AGAP1: variants seen among roughly 807,000 people sequenced by gnomAD.
The protein encoded by AGAP1 is arf-GAP with GTPase, ANK repeat and PH domain-containing protein 1.
AGAP1 carries 29 observed loss-of-function variants against 105.3 expected under a neutral mutation model. That is an observed-to-expected ratio of 0.28 (90% confidence interval 0.21 to 0.38). The LOEUF is 0.38. Ranked by LOEUF, AGAP1 falls within the 10% of genes least tolerant of loss-of-function variation. AGAP1 has a pLI of 1.00. For missense variants in AGAP1, 998 were observed against 1,165.1 expected, an observed-to-expected ratio of 0.86 and a Z score of 2.09; for synonymous variants, 509 against 485.9, an observed-to-expected ratio of 1.05 and a Z score of -0.63.
intron 1 of AGAP1, among the ~76,000 whole-genome samples, chr2:235,606,945 G>GAAAAAAAAAAAAAAAAAAA (rs5839603): frequency 1.6e-5 from 1 of 61,940 alleles, no homozygotes; most frequent in Non-Finnish European, 3.0e-5. Context: ...ACTGCCTCTT[G>GAAAAAAAAAAAAAAAAAAA]AAAAAAAAAA....
At chr2:235,763,187 G>C (rs1224753172) in intron 6 of AGAP1, among the ~76,000 whole-genome samples, 1 of 151,864 alleles carries the variant, frequency 6.6e-6, no homozygotes, top group African/African-American at 2.4e-5. Flanking sequence ...TCTTAAACTG[G>C]AAATGCTCCA....
At chr2:235,779,943 A>G (rs777931166) in intron 6 of AGAP1, among the ~76,000 whole-genome samples, 2 of 152,214 alleles carry the variant, frequency 1.3e-5, no homozygotes, top group African/African-American at 2.4e-5. Context: ...CAAAGTTTGT[A>G]CTTAACAGCA....
chr2:235,806,022 C>T (rs1023370802), intron 8 of AGAP1, among the ~76,000 whole-genome samples: 5 of 152,186 alleles, frequency 3.3e-5, no homozygotes, highest in Non-Finnish European at 7.3e-5. Flanking sequence ...TTCTCCTTGT[C>T]CTCCTCCTTA....
At chr2:235,853,130 AC>A (rs2048549402) in intron 9 of AGAP1, 1 of 1,192,462 alleles carries the variant, frequency 8.4e-7, no homozygotes, top group African/African-American at 1.6e-5. Context: ...AAAGAAAAAA[AC>A]ATTTACTGGC....
At chr2:235,803,185 T>A (rs1439201661) in intron 8 of AGAP1, among the ~76,000 whole-genome samples, 2 of 144,510 alleles carry the variant, frequency 1.4e-5, no homozygotes, top group African/African-American at 4.9e-5. Flanking sequence ...GTGATGGTGA[T>A]GATGGTTGTG....
In AGAP1 at chr2:235,705,866, C is replaced by T. The variant is rs1044228427; in HGVS notation, c.164-3313C>T. 6.6e-6 allele frequency among the ~76,000 whole-genome samples: 1 copy of T among 152,176 alleles called. No homozygotes were observed. The highest frequency in any genetic ancestry group is 1.5e-5 in the Non-Finnish European group (1 of 68,032). On this transcript the variant is annotated intron_variant, in intron 1 of 17. Transcript: ENST00000304032. The surrounding 1 kb of genome is among the most constrained non-coding windows in gnomAD (Gnocchi z 4.9). Reference sequence around the variant, plus strand: ...TCATGCATCTTTGTTTAATGGAGCACTGCTTAATTTATAATGAATATTTTA... The same window carrying T: ...TCATGCATCTTTGTTTAATGGAGCATTGCTTAATTTATAATGAATATTTTA...
intron 7 of AGAP1, among the ~76,000 whole-genome samples, chr2:235,798,313 A>G (rs1321006092): frequency 1.3e-5 from 2 of 152,262 alleles, no homozygotes; most frequent in Non-Finnish European, 1.5e-5. Context: ...AGAAACTGCT[A>G]TCTTTCCATA....
At chr2:235,833,856 T>TTG (rs375095807) in intron 9 of AGAP1, among the ~76,000 whole-genome samples, 6,927 of 47,358 alleles carry the variant, frequency 0.15, 557 homozygotes, top group African/African-American at 0.25. Flanking sequence ...TCCAATCTGG[T>TTG]TTTTTTTTTT....
At chr2:235,523,985 A>C (rs1433625021) in intron 1 of AGAP1, among the ~76,000 whole-genome samples, 1 of 151,728 alleles carries the variant, frequency 6.6e-6, no homozygotes, top group East Asian at 1.9e-4. Flanking sequence ...TGAATGGCCC[A>C]CTCACCACCC....
intron 9 of AGAP1, among the ~76,000 whole-genome samples, chr2:235,835,540 C>T (rs563187032): frequency 1.3e-5 from 2 of 152,354 alleles, no homozygotes; most frequent in East Asian, 3.9e-4. Flanking sequence ...CACTGCCCCA[C>T]CCTGTGGGCC....
chr2:235,754,470 G>A lies in AGAP1; in HGVS notation c.673+3982G>A, dbSNP rs146842249. 3.5e-4 allele frequency among the ~76,000 whole-genome samples: 53 copies of A among 151,742 alleles called. No homozygotes were observed. In the East Asian group the frequency reaches 5.6e-3, roughly 16 times the overall value. On this transcript the variant is annotated intron_variant, in intron 6 of 17. Coordinates refer to ENST00000304032, the MANE Select transcript of AGAP1 (RefSeq NM_001037131.3). This position sits in a 1 kb window ranked among gnomAD's most constrained non-coding sequence, Gnocchi z 4.6. Reference sequence around the variant, plus strand: ...CAGCTGCTTCCATTGCCCTGCGGAGGCCATGTTCCTGATTGGCTCTGTACC... The same window carrying A: ...CAGCTGCTTCCATTGCCCTGCGGAGACCATGTTCCTGATTGGCTCTGTACC...
At chr2:235,885,214 G>C (rs541369019) in intron 10 of AGAP1, among the ~76,000 whole-genome samples, 12 of 152,202 alleles carry the variant, frequency 7.9e-5, no homozygotes, top group Non-Finnish European at 1.6e-4. Context: ...TGGTCACTGT[G>C]TATACACTGC....
rs953752185 is a variant in AGAP1, at chr2:235,958,933, G to A, written c.1484-9529G>A. On this transcript the variant is annotated intron_variant, in intron 12 of 17. Transcript: ENST00000304032. The surrounding 1 kb of genome is among the most constrained non-coding windows in gnomAD (Gnocchi z 4.1). ...CTGCAGATTGTGATCATTATTGCTC[G>A]TATTATATATTTTTTGGGGTGTGCG... is the stretch of plus-strand genomic sequence containing the variant. Among the ~76,000 whole-genome samples, 1 of 152,170 alleles carries A rather than the reference G, an allele frequency of 6.6e-6. No individual in the cohort carries two copies.
At chr2:235,567,339 G>A (rs1481104493) in intron 1 of AGAP1, among the ~76,000 whole-genome samples, 2 of 152,222 alleles carry the variant, frequency 1.3e-5, no homozygotes, top group African/African-American at 4.8e-5. Context: ...CCCTCAGCTG[G>A]CCCATGGCCT....
chr2:235,696,200 C>T (rs181715928), intron 1 of AGAP1, among the ~76,000 whole-genome samples: 1 of 152,206 alleles, frequency 6.6e-6, no homozygotes, highest in Admixed American at 6.5e-5. Flanking sequence ...CGTGCACCCC[C>T]ATGCCCAGCT....
Position 235,600,493 on chromosome 2 carries a change from A to G in AGAP1, c.163+105644A>G, listed in dbSNP as rs1235115726. Among the ~76,000 whole-genome samples the G allele has an allele frequency of 6.6e-6, 1 of 152,154 alleles. No homozygotes were observed. Among genetic ancestry groups the G allele is most frequent in the Non-Finnish European group, 1.5e-5 (1 of 68,024 alleles). On this transcript the variant is annotated intron_variant, in intron 1 of 17. Coordinates refer to ENST00000304032, the MANE Select transcript of AGAP1 (RefSeq NM_001037131.3). This position sits in a 1 kb window ranked among gnomAD's most constrained non-coding sequence, Gnocchi z 4.8. ...GATTAGGGTTCTCTAGAGGGATGGA[A>G]CCAATAGGCCAGATATGTAATAAAG... is the stretch of plus-strand genomic sequence containing the variant.
chr2:235,685,262 T>C (rs1397877438), intron 1 of AGAP1, among the ~76,000 whole-genome samples: 1 of 151,936 alleles, frequency 6.6e-6, no homozygotes, highest in Non-Finnish European at 1.5e-5. Flanking sequence ...TGCCCTGGTG[T>C]GTGGGTTCCT....
At chr2:235,560,451 T>C (rs190949898) in intron 1 of AGAP1, among the ~76,000 whole-genome samples, 4 of 152,116 alleles carry the variant, frequency 2.6e-5, no homozygotes, top group Admixed American at 2.0e-4. Flanking sequence ...GAACTTGCGA[T>C]GATGTTACCT....
chr2:235,763,055 T>TGTGC (rs1553625027), intron 6 of AGAP1, among the ~76,000 whole-genome samples: 1 of 108,590 alleles, frequency 9.2e-6, no homozygotes, highest in Non-Finnish European at 2.1e-5. Flanking sequence ...TGTGTGTATG[T>TGTGC]GTGCGCGCGC....
Sources: gnomAD v4.1 joint callset for allele counts (sites outside exome capture counted in the v4.1 genomes callset) on GRCh38, gnomAD v4.1.1 for gene constraint, Gnocchi (gnomAD v3.1) non-coding constraint, MANE v1.5 for transcripts, NCBI Gene and HGNC (gene_info 2026-07-23, HGNC 2026-07-21) for gene names.